Variants in AHCY observed in about 807,000 individuals in gnomAD.
The protein encoded by AHCY is S-adenosyl-L-homocysteine hydrolase.
AHCY carries 24 observed loss-of-function variants against 45.4 expected under a neutral mutation model. That is an observed-to-expected ratio of 0.53 (90% confidence interval 0.38 to 0.74). The LOEUF is 0.74. AHCY is among the 30% of genes least tolerant of loss of function. The probability of loss-of-function intolerance (pLI) is 0.00; values close to 1 mark genes in which losing one functional copy is unlikely to be tolerated. For missense variants in AHCY, 449 were observed against 594.1 expected, an observed-to-expected ratio of 0.76 and a Z score of 2.54; for synonymous variants, 245 against 235.1, an observed-to-expected ratio of 1.04 and a Z score of -0.39.
chr20:34,302,448 G>T (rs569108466), intron 1 of AHCY: 1 of 267,516 alleles, frequency 3.7e-6, no homozygotes, highest in Non-Finnish European at 5.8e-6. Flanking sequence ...TTCCAATCTT[G>T]CTCCATCACC....
the AHCY span, among the ~76,000 whole-genome samples, chr20:34,258,832 TTATA>T: frequency 8.3e-6 from 1 of 120,306 alleles, no homozygotes; most frequent in Non-Finnish European, 1.7e-5. Flanking sequence ...ATATATAGTA[TTATA>T]TATATAGTGT....
the AHCY span, chr20:34,269,340 C>T: frequency 1.4e-5 from 11 of 813,482 alleles, no homozygotes; most frequent in East Asian, 3.3e-4. Flanking sequence ...TATATATAGG[C>T]TGCTCGAAGG....
At chr20:34,273,521 G>GCAGC in the AHCY span, among the ~76,000 whole-genome samples, 2 of 152,176 alleles carry the variant, frequency 1.3e-5, no homozygotes, top group Non-Finnish European at 2.9e-5. Context: ...GTGAGCCGCT[G>GCAGC]CAGCCAGCCC....
chr20:34,285,346 A>T, intron 9 of AHCY, 94 bp downstream of exon 9: 1 of 1,419,556 alleles, frequency 7.0e-7, no homozygotes, highest in Non-Finnish European at 9.9e-7. Flanking sequence ...AAGAGGGCAG[A>T]CAGGCAAGCA....
At chr20:34,299,008 C>T (rs554840270) in intron 1 of AHCY, among the ~76,000 whole-genome samples, 1 of 152,278 alleles carries the variant, frequency 6.6e-6, no homozygotes, top group South Asian at 2.1e-4. Flanking sequence ...GCCCCTTCTG[C>T]CTTATATGCA....
the AHCY span, among the ~76,000 whole-genome samples, chr20:34,263,179 T>C: frequency 1.3e-5 from 2 of 152,258 alleles, no homozygotes; most frequent in East Asian, 1.9e-4. Flanking sequence ...TTTGGATGAA[T>C]GTGGTGTTTC....
At chr20:34,250,410 A>G in the AHCY span, among the ~76,000 whole-genome samples, 102 of 152,344 alleles carry the variant, frequency 6.7e-4, no homozygotes, top group African/African-American at 2.3e-3. Context: ...TGGTGCCCCT[A>G]TAGTCCCAGC....
chr20:34,276,336 G>A (rs976992412), downstream of AHCY, among the ~76,000 whole-genome samples: 1 of 152,158 alleles, frequency 6.6e-6, no homozygotes, highest in Non-Finnish European at 1.5e-5. Context: ...TATGGAACAG[G>A]CTTTAGGGGA....
chr20:34,260,462 C>T, the AHCY span: 3 of 1,614,194 alleles, frequency 1.9e-6, no homozygotes, highest in Non-Finnish European at 2.5e-6. Flanking sequence ...TGAGGAGAAG[C>T]TCCGAGATGA....
downstream of AHCY, among the ~76,000 whole-genome samples, chr20:34,277,596 A>C (rs2035919086): frequency 6.6e-6 from 1 of 151,842 alleles, no homozygotes; most frequent in South Asian, 2.1e-4. Flanking sequence ...TCTACTAAAA[A>C]TATAAAAAAT....
chr20:34,302,230 A>C (rs982214108), intron 1 of AHCY: 8 of 155,832 alleles, frequency 5.1e-5, no homozygotes, highest in Non-Finnish European at 8.4e-5. Context: ...CGAACTCTTG[A>C]CCTCAAGTGA....
the AHCY span, among the ~76,000 whole-genome samples, chr20:34,271,065 C>G: frequency 6.6e-6 from 1 of 152,106 alleles, no homozygotes; most frequent in African/African-American, 2.4e-5. Flanking sequence ...CCTCCAACTC[C>G]CAGGCTCAAG....
chr20:34,248,588 A>G, the AHCY span, among the ~76,000 whole-genome samples: 2 of 152,146 alleles, frequency 1.3e-5, no homozygotes, highest in Admixed American at 1.3e-4. Context: ...GTGTCTCTTG[A>G]GCCCAGGAGT....
At chr20:34,246,439 TC>T in the AHCY span, 2 of 1,401,998 alleles carry the variant, frequency 1.4e-6, no homozygotes, top group Admixed American at 1.7e-5. Flanking sequence ...ATGAACAGAC[TC>T]CACAATAAAG....
At chr20:34,269,276 T>A in the AHCY span, 1 of 1,329,236 alleles carries the variant, frequency 7.5e-7, no homozygotes, top group Non-Finnish European at 9.9e-7. Context: ...CGGGCGGAGG[T>A]TCCAGGAGAT....
chr20:34,285,665 G>C (rs1287448756), intron 8 of AHCY, 31 bp from the exon 9 acceptor site: 3 of 1,609,392 alleles, frequency 1.9e-6, no homozygotes, highest in Non-Finnish European at 1.7e-6. Flanking sequence ...AGTGAAGGCA[G>C]GCAGGGCCCC....
rs753399141 is a variant in AHCY, at chr20:34,292,491, G to C, written c.312C>G (p.Gly104=). ...KAGIPVYAWK[G]ETDEEYLWCI... is the part of the protein sequence containing the mutation. ...ACCACAGGTACTCCTCGTCCGTTTC[G>C]CCCTTCCAGGCATACACTGGAGGGT... Residue 104 remains glycine, a synonymous_variant, in exon 4 of 10, where the codon GGC becomes GGG. Coordinates refer to ENST00000217426, the MANE Select transcript of AHCY (RefSeq NM_000687.4). The C allele has an allele frequency of 1.2e-6, 2 of 1,614,080 alleles. No individual in the cohort carries two copies. The highest frequency in any genetic ancestry group is 1.7e-6 in the Non-Finnish European group (2 of 1,180,034).
intron 8 of AHCY, among the ~76,000 whole-genome samples, chr20:34,289,892 A>G (rs1314370077): frequency 2.6e-5 from 4 of 152,066 alleles, no homozygotes; most frequent in Non-Finnish European, 5.9e-5. Flanking sequence ...AAGTGCTGGG[A>G]TTACAGGTGT....
chr20:34,246,464 T>C, the AHCY span: 1 of 1,401,076 alleles, frequency 7.1e-7, no homozygotes. Context: ...TCGAAGTGGG[T>C]AATTGGCATC....
Sources: gnomAD v4.1 joint callset for allele counts (sites outside exome capture counted in the v4.1 genomes callset) on GRCh38, gnomAD v4.1.1 for gene constraint, MANE v1.5 for transcripts, NCBI Gene and HGNC (gene_info 2026-07-23, HGNC 2026-07-21) for gene names.